Variants in AMZ1 observed in about 807,000 individuals in gnomAD.
AMZ1 encodes the protein archaemetzincin-1.
Under a neutral mutation model 29.9 loss-of-function variants are expected in AMZ1, and 39 were observed. That is an observed-to-expected ratio of 1.30 (90% CI 1.01 to 1.70). AMZ1 has a LOEUF of 1.70. Ranked by LOEUF, AMZ1 falls within the 40% of genes most tolerant of loss-of-function variation. The pLI is 0.00. For missense variants in AMZ1, 1,041 were observed against 680.6 expected (o/e 1.53, Z -5.89); for synonymous variants, 458 against 304.0 (o/e 1.51, Z -5.27).
Position 2,731,225 on chromosome 7 carries a change from C to G in AMZ1, n.550+21409C>G. ...TTCAGGTTCTCCTGCAGGATGGTGT[C>G]TTTCACAGCATGGAACACGAAGCGG... On this transcript the variant is annotated intron_variant and non_coding_transcript_variant, in intron 4 of 4. Transcript: ENST00000489665. This position sits in a 1 kb window ranked among gnomAD's most constrained non-coding sequence, Gnocchi z 6.0. The G allele has an allele frequency of 6.2e-7, 1 of 1,613,410 alleles. No individual in the cohort carries two copies. Among genetic ancestry groups the G allele is most frequent in the South Asian group, 1.1e-5 (1 of 91,028 alleles).
intron 1 of AMZ1, among the ~76,000 whole-genome samples, chr7:2,693,616 C>G (rs1040943596): frequency 6.6e-6 from 1 of 152,098 alleles, no homozygotes; most frequent in African/African-American, 2.4e-5. Flanking sequence ...AGTGCAGTGG[C>G]GCGATCTCCG....
chr7:2,741,938 C>T (rs747141275), intron 4 of AMZ1, among the ~76,000 whole-genome samples: 1 of 151,774 alleles, frequency 6.6e-6, no homozygotes, highest in Non-Finnish European at 1.5e-5. Flanking sequence ...CCATTTCCCT[C>T]CTCTAGCACA....
intron 4 of AMZ1, among the ~76,000 whole-genome samples, chr7:2,733,211 G>C (rs1789987909): frequency 6.6e-6 from 1 of 152,186 alleles, no homozygotes; most frequent in Non-Finnish European, 1.5e-5. Flanking sequence ...TTTCACTCAT[G>C]AACTCCTCTG....
At chr7:2,688,477 G>A (rs979813870) in intron 1 of AMZ1, among the ~76,000 whole-genome samples, 181 bp downstream of exon 1, 2 of 152,104 alleles carry the variant, frequency 1.3e-5, no homozygotes, top group African/African-American at 4.8e-5. Flanking sequence ...CGCACTTGGC[G>A]AGGGTTTGGT....
chr7:2,751,262 T>C (rs2115361936), intron 4 of AMZ1, among the ~76,000 whole-genome samples: 1 of 152,044 alleles, frequency 6.6e-6, no homozygotes, highest in South Asian at 2.1e-4. Context: ...GGCACATGCT[T>C]GTAGTCCCAG....
At position 2,700,550 on chromosome 7, in the gene AMZ1, G is replaced by C. The variant is rs1417527946; in HGVS notation, c.99G>C (p.Val33=). The change falls in exon 2 of 7, where the codon GTG becomes GTC. Residue 33 remains valine, a synonymous_variant. Coordinates refer to ENST00000683327, the MANE Select transcript of AMZ1 (RefSeq NM_001384743.1). ...STDAALQQLY[V]SAFSPAERLF... Reference sequence around the variant, plus strand: ...ACGCAGCCCTGCAGCAGCTGTATGTGTCCGCCTTCTCCCCTGCCGAGCGGC... The same window carrying C: ...ACGCAGCCCTGCAGCAGCTGTATGTCTCCGCCTTCTCCCCTGCCGAGCGGC... 3 of 1,609,506 alleles carry C rather than the reference G, an allele frequency of 1.9e-6. No individual in the cohort carries two copies. The highest frequency in any genetic ancestry group is 2.5e-6 in the Non-Finnish European group (3 of 1,179,932).
intron 1 of AMZ1, among the ~76,000 whole-genome samples, chr7:2,689,603 C>A (rs1218823603): frequency 6.6e-6 from 1 of 152,224 alleles, no homozygotes; most frequent in Non-Finnish European, 1.5e-5. Context: ...CGCTGGCCCC[C>A]AGCTGTGTCG....
downstream of AMZ1, among the ~76,000 whole-genome samples, chr7:2,720,604 C>T (rs569027457): frequency 6.6e-6 from 1 of 151,904 alleles, no homozygotes; most frequent in Admixed American, 6.6e-5. Context: ...GGGGTTTTAC[C>T]GTGCTGGCCA....
chr7:2,683,328 T>G (rs1396276899), upstream of AMZ1, among the ~76,000 whole-genome samples: 1 of 152,192 alleles, frequency 6.6e-6, no homozygotes, highest in South Asian at 2.1e-4. Flanking sequence ...CTCTTCCTGC[T>G]TCTGGGGGCT....
At chr7:2,681,433 A>G (rs566014068) in intron 1 of AMZ1, among the ~76,000 whole-genome samples, 3 of 151,518 alleles carry the variant, frequency 2.0e-5, no homozygotes, top group Non-Finnish European at 4.4e-5. Flanking sequence ...TTTTTTTTTA[A>G]TTTTTGTAGA....
At chr7:2,723,531 C>T (rs1319660250), downstream of AMZ1, among the ~76,000 whole-genome samples, 1 of 152,198 alleles carries the variant, frequency 6.6e-6, no homozygotes. Context: ...CCCGAGGCTG[C>T]GGGAGATCCC....
At chr7:2,702,550 GA>G (rs1236330879) in intron 2 of AMZ1, 171 bp from the exon 3 acceptor site, 13 of 718,830 alleles carry the variant, frequency 1.8e-5, no homozygotes, top group African/African-American at 1.8e-5. Context: ...TTGCCCTTTT[GA>G]AAAAGTCATG....
chr7:2,759,188 TAAAATA>T (rs908324119), intron 4 of AMZ1, among the ~76,000 whole-genome samples: 4 of 144,520 alleles, frequency 2.8e-5, no homozygotes, highest in South Asian at 2.2e-4. Flanking sequence ...AATAAATAAA[TAAAATA>T]AAAATAAAAA....
At chr7:2,722,488 G>A (rs1394266209), downstream of AMZ1, among the ~76,000 whole-genome samples, 1 of 152,108 alleles carries the variant, frequency 6.6e-6, no homozygotes, top group Non-Finnish European at 1.5e-5. Flanking sequence ...AGCCAGGATG[G>A]TGTCGATCTC....
intron 1 of AMZ1, among the ~76,000 whole-genome samples, chr7:2,695,547 C>G (rs543886464): frequency 1.8e-4 from 22 of 119,342 alleles, no homozygotes; most frequent in African/African-American, 7.3e-4. Context: ...TGAGACTCTT[C>G]TCTACAAAAA....
upstream of AMZ1, among the ~76,000 whole-genome samples, chr7:2,761,735 A>C (rs761740648): frequency 2.6e-5 from 4 of 152,230 alleles, no homozygotes; most frequent in Non-Finnish European, 4.4e-5. Flanking sequence ...TGAAGAGTTG[A>C]CAAGATGGGC....
At chr7:2,740,833 G>A (rs1428501428) in intron 4 of AMZ1, among the ~76,000 whole-genome samples, 2 of 152,084 alleles carry the variant, frequency 1.3e-5, no homozygotes, top group East Asian at 1.9e-4. Context: ...TCACGAGGTC[G>A]AGAGATCTAG....
chr7:2,759,263 G>C (rs1259608664), intron 4 of AMZ1, among the ~76,000 whole-genome samples: 10 of 152,120 alleles, frequency 6.6e-5, no homozygotes, highest in Non-Finnish European at 1.5e-5. Context: ...TGGTTATACT[G>C]TCCTTATTTA....
intron 1 of AMZ1, among the ~76,000 whole-genome samples, chr7:2,683,018 T>G (rs1296229663): frequency 6.6e-6 from 1 of 152,222 alleles, no homozygotes; most frequent in Non-Finnish European, 1.5e-5. Context: ...AGGGCTGAGC[T>G]GCAGAGAGGC....
Sources: allele counts gnomAD v4.1 joint callset (sites outside exome capture counted in the v4.1 genomes callset), GRCh38; gene constraint gnomAD v4.1.1; non-coding constraint Gnocchi (gnomAD v3.1); transcripts MANE v1.5; gene names NCBI Gene and HGNC (gene_info 2026-07-23, HGNC 2026-07-21).